Variants in DPP10 observed in about 807,000 individuals in gnomAD.
DPP10 encodes inactive dipeptidyl peptidase 10.
A neutral mutation model predicts 120.9 loss-of-function variants in DPP10; 33 were observed. The observed-to-expected ratio is 0.27, with a 90% CI of 0.21 to 0.37. The LOEUF is 0.37. Among genes scored for constraint, DPP10 ranks in the 10% least tolerant of loss-of-function variants. The pLI, the probability that DPP10 is intolerant of heterozygous loss-of-function variation, is 1.00. For synonymous variants in DPP10, 337 were observed against 326.1 expected, an observed-to-expected ratio of 1.03 and a Z score of -0.36; for missense variants, 816 against 942.8, an observed-to-expected ratio of 0.87 and a Z score of 1.76.
At chr2:115,026,083 A>G (rs1703439266) in intron 1 of DPP10, among the ~76,000 whole-genome samples, 2 of 152,032 alleles carry the variant, frequency 1.3e-5, no homozygotes, top group African/African-American at 4.8e-5. Context: ...ATTTTACACA[A>G]AATATCTTTG....
intron 1 of DPP10, among the ~76,000 whole-genome samples, chr2:115,226,208 G>C (rs2057426536): frequency 6.6e-6 from 1 of 152,088 alleles, no homozygotes; most frequent in Admixed American, 6.6e-5. Flanking sequence ...CGACTGTCTA[G>C]GGATTATCTT....
intron 2 of DPP10, among the ~76,000 whole-genome samples, chr2:115,321,931 T>G (rs1276569291): frequency 6.6e-6 from 1 of 152,174 alleles, no homozygotes; most frequent in East Asian, 1.9e-4. Context: ...TTTCATACAT[T>G]GTTATTCTGG....
chr2:115,193,773 C>T lies in DPP10; in HGVS notation c.61-115466C>T, dbSNP rs940224393. On this transcript the variant is annotated intron_variant, in intron 1 of 25. Coordinates refer to ENST00000410059, the MANE Select transcript of DPP10 (RefSeq NM_020868.6). Reference sequence around the variant, plus strand: ...TTAGGCAATTTTCCTAACTCTATTTCTACAAGAGTTTCTCTATCAATTATT... The same window carrying T: ...TTAGGCAATTTTCCTAACTCTATTTTTACAAGAGTTTCTCTATCAATTATT... Among the ~76,000 whole-genome samples, 17 of 152,300 alleles carry T rather than the reference C, an allele frequency of 1.1e-4. 1 individual carries two copies. Among genetic ancestry groups the T allele is most frequent in the African/African-American group, 3.8e-4 (16 of 41,570 alleles).
At chr2:115,696,756 T>C (rs1559042511) in intron 7 of DPP10, among the ~76,000 whole-genome samples, 1 of 152,234 alleles carries the variant, frequency 6.6e-6, no homozygotes, top group Non-Finnish European at 1.5e-5. Context: ...CTTTTTCTTT[T>C]CTACTTAATT....
chr2:115,666,264 T>C (rs537914213), intron 5 of DPP10, among the ~76,000 whole-genome samples: 4 of 152,304 alleles, frequency 2.6e-5, no homozygotes, highest in African/African-American at 9.6e-5. Flanking sequence ...TTCACAGTTA[T>C]GCATGGCTGG....
intron 1 of DPP10, among the ~76,000 whole-genome samples, chr2:114,695,840 G>T (rs903462438): frequency 1.3e-5 from 2 of 152,000 alleles, no homozygotes; most frequent in Admixed American, 1.3e-4. Context: ...TGCAGCCAAA[G>T]AAATTGTTTA....
intron 1 of DPP10, among the ~76,000 whole-genome samples, chr2:114,550,451 G>C (rs1428560208): frequency 6.6e-6 from 1 of 152,326 alleles, no homozygotes; most frequent in African/African-American, 2.4e-5. Context: ...ATTTTCCAAA[G>C]GTCACACAGC....
intron 1 of DPP10, among the ~76,000 whole-genome samples, chr2:114,524,323 A>T (rs1043045656): frequency 1.3e-5 from 2 of 152,222 alleles, no homozygotes; most frequent in Non-Finnish European, 2.9e-5. Flanking sequence ...TAATCTTAGT[A>T]GTTATTAAAG....
chr2:114,663,943 G>C (rs1386949527), intron 1 of DPP10, among the ~76,000 whole-genome samples: 1 of 151,930 alleles, frequency 6.6e-6, no homozygotes, highest in African/African-American at 2.4e-5. Context: ...ATTAATGAGA[G>C]CTTAAAGATG....
At chr2:114,941,094 G>C (rs926973746) in intron 1 of DPP10, among the ~76,000 whole-genome samples, 3 of 152,294 alleles carry the variant, frequency 2.0e-5, no homozygotes, top group African/African-American at 4.8e-5. Flanking sequence ...ACTTGAGAAG[G>C]TTTAATTGTA....
chr2:115,559,989 A>C (rs2080460739), intron 5 of DPP10, among the ~76,000 whole-genome samples: 1 of 152,078 alleles, frequency 6.6e-6, no homozygotes, highest in African/African-American at 2.4e-5. Flanking sequence ...CTACAGAGAA[A>C]AGTCCTTTCT....
chr2:115,092,404 C>A, intron 1 of DPP10, among the ~76,000 whole-genome samples: 1 of 152,128 alleles, frequency 6.6e-6, no homozygotes, highest in East Asian at 1.9e-4. Context: ...AATTATCCAG[C>A]ATAAAATAGT....
chr2:115,634,643 T>C (rs756047767), intron 5 of DPP10, among the ~76,000 whole-genome samples: 18 of 152,144 alleles, frequency 1.2e-4, no homozygotes, highest in Non-Finnish European at 2.4e-4. Context: ...GAAATGCTAC[T>C]GTATAATGTG....
chr2:114,577,453 G>A (rs944929697), intron 1 of DPP10, among the ~76,000 whole-genome samples: 2 of 152,260 alleles, frequency 1.3e-5, no homozygotes, highest in Non-Finnish European at 2.9e-5. Context: ...CGGACTCATG[G>A]GCTTCCAATA....
chr2:115,305,087 G>A (rs985814607), intron 1 of DPP10, among the ~76,000 whole-genome samples: 1 of 151,988 alleles, frequency 6.6e-6, no homozygotes, highest in African/African-American at 2.4e-5. Flanking sequence ...CCACCGGGGG[G>A]CTCATTTACA....
Position 115,708,146 on chromosome 2 carries a change from A to G in DPP10, c.576+18225A>G, listed in dbSNP as rs768408223. Among the ~76,000 whole-genome samples, 22 of 152,126 alleles carry G rather than the reference A, an allele frequency of 1.4e-4. No individual in the cohort carries two copies. In the Middle Eastern group the frequency reaches 0.01, roughly 71 times the overall value. ...GGGAAAGCAATATGTTAAAGTAAAA[A>G]TAATTATTGTTTTAGAGTAGTAGAA... is the stretch of plus-strand genomic sequence containing the variant. On this transcript the variant is annotated intron_variant, in intron 7 of 25. Transcript: ENST00000410059.
chr2:115,332,971 A>T (rs1025056989), intron 2 of DPP10, among the ~76,000 whole-genome samples: 2 of 151,928 alleles, frequency 1.3e-5, no homozygotes, highest in African/African-American at 2.4e-5. Context: ...CAATTCCTGG[A>T]TGTCCTTTTT....
At chr2:114,747,999 T>C (rs1038465061) in intron 1 of DPP10, among the ~76,000 whole-genome samples, 1 of 152,214 alleles carries the variant, frequency 6.6e-6, no homozygotes, top group African/African-American at 2.4e-5. Context: ...GAGTAAGCTC[T>C]TAAAATATTT....
chr2:115,121,412 C>G (rs2104737875), intron 1 of DPP10, among the ~76,000 whole-genome samples: 1 of 152,304 alleles, frequency 6.6e-6, no homozygotes, highest in Admixed American at 6.5e-5. Flanking sequence ...ATAACTACTT[C>G]CTGCCTCCAG....
Sources: gnomAD v4.1 joint callset for allele counts (sites outside exome capture counted in the v4.1 genomes callset) on GRCh38, gnomAD v4.1.1 for gene constraint, MANE v1.5 for transcripts, NCBI Gene and HGNC (gene_info 2026-07-23, HGNC 2026-07-21) for gene names.